MYO7B: variants seen among roughly 807,000 people sequenced by gnomAD.
MYO7B encodes myosin VIIB, also known as unconventional myosin-VIIb.
In MYO7B, 212 loss-of-function variants were observed where a neutral mutation model predicts 259.7. The observed-to-expected ratio is 0.82, with a 90% confidence interval of 0.73 to 0.91. The LOEUF is 0.91. Ranked by LOEUF, MYO7B falls within the 40% of genes least tolerant of loss-of-function variation. The probability of loss-of-function intolerance (pLI) is 0.00; values close to 1 mark genes in which losing one functional copy is unlikely to be tolerated. For missense variants in MYO7B, 2,732 were observed against 2,813.5 expected (o/e 0.97, Z 0.66); for synonymous variants, 1,197 against 1,166.4 (o/e 1.03, Z -0.54).
At chr2:127,617,487 GTTTTTTTTTT>G (rs35542480) in intron 26 of MYO7B, among the ~76,000 whole-genome samples, 2 of 84,828 alleles carry the variant, frequency 2.4e-5, no homozygotes, top group African/African-American at 1.0e-4. Context: ...TTGTAACGGG[GTTTTTTTTTT>G]TTTTTTTTTT....
At chr2:127,589,938 G>A (rs1468700233) in intron 15 of MYO7B, among the ~76,000 whole-genome samples, 154 bp from the exon 16 acceptor site, 1 of 151,374 alleles carries the variant, frequency 6.6e-6, no homozygotes, top group Non-Finnish European at 1.5e-5. Flanking sequence ...GTGGGTGGAT[G>A]GATACATGGA....
In MYO7B at chr2:127,637,455, G is replaced by A. The variant is rs370466646; in HGVS notation, c.*38G>A. The A allele has an allele frequency of 1.6e-5, 23 of 1,435,272 alleles. No individual in the cohort carries two copies. The highest frequency in any genetic ancestry group is 1.8e-4 in the Middle Eastern group (1 of 5,498). The allele number at this position is 1,435,272 out of a possible 1,614,324, so 88.9% of individuals were successfully genotyped here. On this transcript the variant is annotated 3_prime_UTR_variant, in exon 48 of 48. Coordinates refer to ENST00000409816, the MANE Select transcript of MYO7B (RefSeq NM_001393586.1). ...GCGTGTCTGCTCAGGCGCCCTTCCC[G>A]ACCTCTAGCCTGGCGGCACCTTCCC...
chr2:127,584,099 G>C lies in MYO7B; in HGVS notation c.1344-23G>C. On this transcript the variant is annotated intron_variant, in intron 12 of 47. Coordinates refer to ENST00000409816, the MANE Select transcript of MYO7B (RefSeq NM_001393586.1). The surrounding 1 kb of genome is among the most constrained non-coding windows in gnomAD (Gnocchi z 5.8). Reference sequence around the variant, plus strand: ...ACTCAGCTGGCCCCACTCCACCCCTGGGCAGTGACCTTGCCTCCACAGCTT... The same window carrying C: ...ACTCAGCTGGCCCCACTCCACCCCTCGGCAGTGACCTTGCCTCCACAGCTT... 1 of 1,601,848 alleles carries C rather than the reference G, an allele frequency of 6.2e-7. No individual in the cohort carries two copies. Among genetic ancestry groups the C allele is most frequent in the Non-Finnish European group, 8.5e-7 (1 of 1,173,786 alleles).
Position 127,574,069 on chromosome 2 carries a change from C to A in MYO7B, c.735+7C>A. The A allele has an allele frequency of 1.9e-6, 3 of 1,613,792 alleles. No individual in the cohort carries two copies. Among genetic ancestry groups the A allele is most frequent in the Non-Finnish European group, 8.5e-7 (1 of 1,179,832 alleles). ...GTCCCGGGTCTGCCGGCAGGTGAGG[C>A]CTCCCCCTTCCCAGGTCGGGAGTTG... is the stretch of plus-strand genomic sequence containing the variant. On this transcript the variant is annotated splice_region_variant and intron_variant, in intron 7 of 47. Coordinates refer to ENST00000409816, the MANE Select transcript of MYO7B (RefSeq NM_001393586.1).
chr2:127,616,081 C>T (rs1016209614), intron 26 of MYO7B, among the ~76,000 whole-genome samples: 13 of 152,084 alleles, frequency 8.5e-5, no homozygotes, highest in African/African-American at 3.1e-4. Flanking sequence ...GAAGCATCCG[C>T]TCCACAAGCT....
At position 127,628,290 on chromosome 2, in the gene MYO7B, A is replaced by T; in HGVS notation, c.4461-82A>T. On this transcript the variant is annotated intron_variant, in intron 33 of 47. Transcript: ENST00000409816. This position sits in a 1 kb window ranked among gnomAD's most constrained non-coding sequence, Gnocchi z 4.8. Reference sequence around the variant, plus strand: ...TCCTCATCTGTGACTCAGGACCCCCAACCCCACCTCCCGAGGCTGTTTAGG... The same window carrying T: ...TCCTCATCTGTGACTCAGGACCCCCTACCCCACCTCCCGAGGCTGTTTAGG... 6.6e-7 allele frequency: 1 copy of T among 1,519,308 alleles called. No homozygotes were observed. Among genetic ancestry groups the T allele is most frequent in the African/African-American group, 1.4e-5 (1 of 72,874 alleles). 94.1% of individuals were successfully genotyped at this position (1,519,308 alleles called of 1,614,324 possible).
Position 127,576,146 on chromosome 2 carries a change from C to T in MYO7B, c.736-449C>T, listed in dbSNP as rs1460951808. 6.6e-6 allele frequency among the ~76,000 whole-genome samples: 1 copy of T among 151,728 alleles called. No individual in the cohort carries two copies. Among genetic ancestry groups the T allele is most frequent in the Non-Finnish European group, 1.5e-5 (1 of 67,982 alleles). On this transcript the variant is annotated intron_variant, in intron 7 of 47. Coordinates refer to ENST00000409816, the MANE Select transcript of MYO7B (RefSeq NM_001393586.1). The surrounding 1 kb of genome is among the most constrained non-coding windows in gnomAD (Gnocchi z 4.9). ...TCCAGGACTTCGAGGCTACAGTGGG[C>T]TGAGATTGCACCACTGCACTCTAGC...
At chr2:127,606,028 A>G in intron 20 of MYO7B, 100 bp downstream of exon 20, 5 of 947,852 alleles carry the variant, frequency 5.3e-6, no homozygotes, top group African/African-American at 3.3e-5. Context: ...GAGAGACCTC[A>G]GGCAGGAAGG....
intron 29 of MYO7B, among the ~76,000 whole-genome samples, 176 bp downstream of exon 29, chr2:127,623,551 C>A (rs1680949289): frequency 6.6e-6 from 1 of 152,168 alleles, no homozygotes; most frequent in South Asian, 2.1e-4. Context: ...ACACACAGAG[C>A]AAACAGCCTT....
chr2:127,561,123 G>T (rs958429908), intron 2 of MYO7B, among the ~76,000 whole-genome samples: 1 of 152,128 alleles, frequency 6.6e-6, no homozygotes, highest in Non-Finnish European at 1.5e-5. Context: ...AATATGCCAC[G>T]GGATGCATCA....
rs1341362576 is a variant in MYO7B at position 127,635,924 on chromosome 2, G to C, written c.6006+17G>C. On this transcript the variant is annotated intron_variant, in intron 44 of 47. Transcript: ENST00000409816. Reference sequence around the variant, plus strand: ...TGGAAAAAGGTCCCTGGTCGGGCTGGGGAAGGGTTCTTGTGCTGCTGCTCC... The same window carrying C: ...TGGAAAAAGGTCCCTGGTCGGGCTGCGGAAGGGTTCTTGTGCTGCTGCTCC... 6 of 1,556,800 alleles carry C rather than the reference G, an allele frequency of 3.9e-6. No homozygotes were observed. The highest frequency in any genetic ancestry group is 5.2e-6 in the Non-Finnish European group (6 of 1,150,370).
chr2:127,625,707 C>T (rs553389118), intron 31 of MYO7B, among the ~76,000 whole-genome samples, 172 bp downstream of exon 31: 1 of 152,224 alleles, frequency 6.6e-6, no homozygotes, highest in Non-Finnish European at 1.5e-5. Context: ...TTTAAGCAGT[C>T]CCACTCAGTT....
Position 127,597,922 on chromosome 2 carries a change from G to A in MYO7B, c.2339+1366G>A, listed in dbSNP as rs1679834345. ...CAAAGTGCTGGGATTGCAGGTGTGA[G>A]CCACTGCGCCCAGCCAGTATTTTGT... On this transcript the variant is annotated intron_variant, in intron 19 of 47. Transcript: ENST00000409816. The surrounding 1 kb of genome is among the most constrained non-coding windows in gnomAD (Gnocchi z 4.8). Among the ~76,000 whole-genome samples, 1 of 152,132 alleles carries A rather than the reference G, an allele frequency of 6.6e-6. No homozygotes were observed. Among genetic ancestry groups the A allele is most frequent in the Non-Finnish European group, 1.5e-5 (1 of 68,034 alleles).
In MYO7B at chr2:127,628,084, C is replaced by G; in HGVS notation, c.4461-288C>G. On this transcript the variant is annotated intron_variant, in intron 33 of 47. Transcript: ENST00000409816. This position sits in a 1 kb window ranked among gnomAD's most constrained non-coding sequence, Gnocchi z 4.8. ...GCCGGCAGCTCATCTCAGCTCTGAC[C>G]TTTGCAGTGTCCCTGCGGTGTCACT... 1 of 603,444 alleles carries G rather than the reference C, an allele frequency of 1.7e-6. No homozygotes were observed. The highest frequency in any genetic ancestry group is 3.1e-6 in the Non-Finnish European group (1 of 321,814). The allele number at this position is 603,444 out of a possible 1,614,324, so 37.4% of individuals were successfully genotyped here. A position where few individuals can be genotyped will look rare whatever the true frequency, so the allele number is the denominator to read the frequency against.
intron 5 of MYO7B, among the ~76,000 whole-genome samples, chr2:127,568,207 G>A (rs932179276): frequency 1.3e-5 from 2 of 152,234 alleles, no homozygotes; most frequent in Non-Finnish European, 1.5e-5. Context: ...TGCCCCCAGA[G>A]GCAGGGCAAG....
chr2:127,633,008 G>T (rs146073387), intron 39 of MYO7B, among the ~76,000 whole-genome samples: 1 of 152,170 alleles, frequency 6.6e-6, no homozygotes, highest in African/African-American at 2.4e-5. Flanking sequence ...GCGCCTTCCC[G>T]GGAGCCCCTG....
At position 127,632,363 on chromosome 2, in the gene MYO7B, G is replaced by A. The variant is rs1323731304; in HGVS notation, c.5367G>A (p.Leu1789=). Residue 1789 remains leucine (L), a synonymous_variant, in exon 39 of 48, where the codon CTG becomes CTA. Coordinates refer to ENST00000409816, the MANE Select transcript of MYO7B (RefSeq NM_001393586.1). ...TAGACACTCGGAGGGGGAAGCTGCT[G>A]GCCCCCGACTGCAGCCGCCGAATCC... ...KFIDTRRGKL[L]APDCSRRIQK... 6.3e-7 allele frequency: 1 copy of A among 1,590,424 alleles called. No individual in the cohort carries two copies. The highest frequency in any genetic ancestry group is 1.3e-5 in the African/African-American group (1 of 74,280).
chr2:127,584,773 T>C lies in MYO7B; in HGVS notation c.1555-5T>C. ...TCAGCCCACAGGGTGTCTGGGTTCTTCCAGGGGACAGATCTCACCATGCTG... is the reference window on the plus strand; with the variant it reads ...TCAGCCCACAGGGTGTCTGGGTTCTCCCAGGGGACAGATCTCACCATGCTG... On this transcript the variant is annotated splice_region_variant and splice_polypyrimidine_tract_variant and intron_variant, in intron 13 of 47. Transcript: ENST00000409816. The surrounding 1 kb of genome is among the most constrained non-coding windows in gnomAD (Gnocchi z 5.8). The C allele has an allele frequency of 6.2e-7, 1 of 1,613,752 alleles. No homozygotes were observed. Among genetic ancestry groups the C allele is most frequent in the Non-Finnish European group, 8.5e-7 (1 of 1,179,764 alleles).
At chr2:127,634,067 C>A in intron 40 of MYO7B, 109 bp from the exon 41 acceptor site, 2 of 861,994 alleles carry the variant, frequency 2.3e-6, no homozygotes, top group Non-Finnish European at 3.7e-6. Context: ...CAGACCACAT[C>A]CAACCCAAGT....
Sources: gnomAD v4.1 joint callset for allele counts (sites outside exome capture counted in the v4.1 genomes callset) on GRCh38, gnomAD v4.1.1 for gene constraint, Gnocchi (gnomAD v3.1) non-coding constraint, MANE v1.5 for transcripts, NCBI Gene and HGNC (gene_info 2026-07-23, HGNC 2026-07-21) for gene names.